The following NFKB1 variants were observed in gnomAD, a reference collection of about 807,000 sequenced individuals.
NFKB1 encodes the protein nuclear factor NF-kappa-B p105 subunit.
A neutral mutation model predicts 105.1 loss-of-function variants in NFKB1; 9 were observed. The observed-to-expected ratio is 0.09, with a 90% CI of 0.05 to 0.15. The LOEUF is 0.15. NFKB1 is among the 10% of genes least tolerant of loss of function. The probability of loss-of-function intolerance (pLI) is 1.00; values close to 1 mark genes in which losing one functional copy is unlikely to be tolerated. For missense variants in NFKB1, 830 were observed against 1,203.7 expected (o/e 0.69, Z 4.59); for synonymous variants, 440 against 442.2 (o/e 1.00, Z 0.06).
chr4:102,546,915 G>A (rs1171690712), intron 5 of NFKB1, among the ~76,000 whole-genome samples: 1 of 152,130 alleles, frequency 6.6e-6, no homozygotes, highest in East Asian at 1.9e-4. Flanking sequence ...TCAGAGTTAA[G>A]TGTATGCTCC....
At chr4:102,518,880 TG>T (rs1740379513) in intron 1 of NFKB1, among the ~76,000 whole-genome samples, 1 of 152,210 alleles carries the variant, frequency 6.6e-6, no homozygotes, top group African/African-American at 2.4e-5. Context: ...ATGGTAACAA[TG>T]TTCCAAGAAA....
chr4:102,526,566 T>C (rs1469179802), intron 2 of NFKB1, among the ~76,000 whole-genome samples: 1 of 152,210 alleles, frequency 6.6e-6, no homozygotes, highest in African/African-American at 2.4e-5. Flanking sequence ...AAAAGATCTT[T>C]GAACTCAGAA....
At chr4:102,535,433 C>T (rs1164080986) in intron 4 of NFKB1, among the ~76,000 whole-genome samples, 1 of 152,058 alleles carries the variant, frequency 6.6e-6, no homozygotes, top group Admixed American at 6.6e-5. Context: ...CATATAAAAG[C>T]TTATGTGAGT....
intron 5 of NFKB1, among the ~76,000 whole-genome samples, chr4:102,563,840 A>T (rs1428206831): frequency 1.4e-4 from 8 of 56,852 alleles, no homozygotes; most frequent in African/African-American, 3.8e-4. Context: ...TTTTTTTTTT[A>T]AACGGAGTCT....
At chr4:102,507,006 T>A (rs544388493) in intron 1 of NFKB1, among the ~76,000 whole-genome samples, 1 of 148,666 alleles carries the variant, frequency 6.7e-6, no homozygotes, top group South Asian at 2.1e-4. Context: ...TAATGATATA[T>A]GTATAAATAC....
At chr4:102,596,372 G>C (rs754950801) in intron 14 of NFKB1, 40 bp downstream of exon 14, 1 of 1,543,418 alleles carries the variant, frequency 6.5e-7, no homozygotes, top group Non-Finnish European at 8.8e-7. Context: ...GGTTGGCTGG[G>C]GAGGGGTCAG....
chr4:102,536,165 A>T (rs1578733657), intron 4 of NFKB1, among the ~76,000 whole-genome samples: 1 of 152,228 alleles, frequency 6.6e-6, no homozygotes, highest in East Asian at 1.9e-4. Flanking sequence ...TGGTTTTAGA[A>T]ATTTCATTTA....
intron 5 of NFKB1, among the ~76,000 whole-genome samples, chr4:102,556,441 T>A (rs1722994072): frequency 6.6e-6 from 1 of 152,116 alleles, no homozygotes; most frequent in Non-Finnish European, 1.5e-5. Flanking sequence ...CTGAAACATC[T>A]CTTTGAGCAG....
Position 102,613,560 on chromosome 4 carries a change from G to A in NFKB1, c.2728G>A (p.Ala910Thr), listed in dbSNP as rs1484555975. 7 of 1,613,262 alleles carry A rather than the reference G, an allele frequency of 4.3e-6. No homozygotes were observed. The East Asian group carries it at 1.6e-4, about 36-fold the overall frequency. Residue 910 changes from alanine to threonine, a missense_variant, in exon 23 of 24, where the codon GCC becomes ACC. Ala to Thr is a moderately conservative substitution (Grantham distance 58). Coordinates refer to ENST00000226574, the MANE Select transcript of NFKB1 (RefSeq NM_003998.4). ...SQAHSLPLSPASTRQQIDELR... is the reference protein window; with the variant it reads ...SQAHSLPLSPTSTRQQIDELR... ...GGCCCACTCGCTGCCTCTCTCGCCT[G>A]CCTCCACAAGGCAGCAAATAGGTAA...
At chr4:102,525,371 T>G (rs1470112145) in intron 1 of NFKB1, 141 bp from the exon 2 acceptor site, 2 of 662,816 alleles carry the variant, frequency 3.0e-6, no homozygotes, top group Non-Finnish European at 5.0e-6. Flanking sequence ...CATCATGTCC[T>G]CCTCCTATGG....
At position 102,566,974 on chromosome 4, in the gene NFKB1, G is replaced by T. The variant is rs559716280; in HGVS notation, c.259-13G>T. 149 of 1,613,298 alleles carry T rather than the reference G, an allele frequency of 9.2e-5. 1 individual carries two copies. In the South Asian group the frequency reaches 1.6e-3, roughly 17 times the overall value. On this transcript the variant is annotated splice_polypyrimidine_tract_variant and intron_variant, in intron 5 of 23. Transcript: ENST00000226574. ...TCAGATATGCTAACTTTTGGAATGTGCTTCTTATATAGATCTGCAACTATG... is the reference window on the plus strand; with the variant it reads ...TCAGATATGCTAACTTTTGGAATGTTCTTCTTATATAGATCTGCAACTATG...
chr4:102,541,779 T>G (rs529648471), intron 5 of NFKB1, among the ~76,000 whole-genome samples: 1 of 152,284 alleles, frequency 6.6e-6, no homozygotes, highest in East Asian at 1.9e-4. Flanking sequence ...ACATATTCAT[T>G]AAGTGCATTT....
chr4:102,509,375 C>A (rs1560627765), intron 1 of NFKB1, among the ~76,000 whole-genome samples: 1 of 152,070 alleles, frequency 6.6e-6, no homozygotes, highest in Non-Finnish European at 1.5e-5. Flanking sequence ...GGGGAAGTAT[C>A]CCATTTCTCT....
chr4:102,597,061 G>A (rs1027138091), intron 14 of NFKB1, among the ~76,000 whole-genome samples: 41 of 152,068 alleles, frequency 2.7e-4, no homozygotes, highest in African/African-American at 9.4e-4. Flanking sequence ...TTACAAAAAC[G>A]TGAGTGGCTC....
At chr4:102,546,599 A>G (rs541175397) in intron 5 of NFKB1, among the ~76,000 whole-genome samples, 2 of 152,266 alleles carry the variant, frequency 1.3e-5, no homozygotes, top group Admixed American at 1.3e-4. Context: ...GGAAAACACA[A>G]TAGGATATGG....
At chr4:102,599,487 C>T (rs1338917763) in intron 15 of NFKB1, among the ~76,000 whole-genome samples, 1 of 152,176 alleles carries the variant, frequency 6.6e-6, no homozygotes, top group African/African-American at 2.4e-5. Context: ...CCTCGTGTCC[C>T]AGATGTAGTG....
intron 6 of NFKB1, among the ~76,000 whole-genome samples, chr4:102,567,990 T>G (rs1724013438): frequency 6.6e-6 from 1 of 152,198 alleles, no homozygotes; most frequent in Non-Finnish European, 1.5e-5. Context: ...TTTTGTTTAA[T>G]TTTTAAAAAC....
At chr4:102,593,221 G>A (rs1726315623) in intron 11 of NFKB1, 2 of 463,990 alleles carry the variant, frequency 4.3e-6, no homozygotes. Context: ...ACTGCTCTGT[G>A]GTCTCTCTGG....
At chr4:102,518,297 T>A (rs1740334855) in intron 1 of NFKB1, among the ~76,000 whole-genome samples, 1 of 152,216 alleles carries the variant, frequency 6.6e-6, no homozygotes, top group Non-Finnish European at 1.5e-5. Context: ...TATTAATATT[T>A]GCACTCTGAA....
Sources: allele counts gnomAD v4.1 joint callset (sites outside exome capture counted in the v4.1 genomes callset), GRCh38; gene constraint gnomAD v4.1.1; transcripts MANE v1.5; gene names NCBI Gene and HGNC (gene_info 2026-07-23, HGNC 2026-07-21).